The following GINS3 variants were observed in gnomAD, a reference collection of about 807,000 sequenced individuals.
The protein encoded by GINS3 is GINS complex subunit 3, also known as DNA replication complex GINS protein PSF3.
Under a neutral mutation model 20.0 loss-of-function variants are expected in GINS3, and 18 were observed. That is an observed-to-expected ratio of 0.90 (90% CI 0.62 to 1.33). The LOEUF (loss-of-function observed/expected upper bound fraction) is 1.33, where lower values mean the gene tolerates loss of function less well. Ranked by LOEUF, GINS3 falls within the 40% of genes most tolerant of loss-of-function variation. GINS3 has a pLI of 0.00. For synonymous variants in GINS3, 109 were observed against 107.0 expected, an observed-to-expected ratio of 1.02 and a Z score of -0.12; for missense variants, 254 against 273.6, an observed-to-expected ratio of 0.93 and a Z score of 0.51.
intron 1 of GINS3, among the ~76,000 whole-genome samples, chr16:58,397,344 C>T (rs563936635): frequency 2.7e-5 from 4 of 147,878 alleles, no homozygotes; most frequent in East Asian, 2.0e-4. Flanking sequence ...CGGGCAGAGA[C>T]GCTCCTCACT....
intron 1 of GINS3, among the ~76,000 whole-genome samples, chr16:58,395,745 A>C (rs567752943): frequency 1.3e-5 from 2 of 152,184 alleles, no homozygotes; most frequent in African/African-American, 4.8e-5. Flanking sequence ...CTACACAGAC[A>C]CAGCAACCAT....
rs1407875324 is a variant in GINS3 at position 58,392,772 on chromosome 16, C to T, written c.171C>T (p.Asp57=). 2 of 1,608,464 alleles carry T rather than the reference C, an allele frequency of 1.2e-6. No individual in the cohort carries two copies. Among genetic ancestry groups the T allele is most frequent in the Admixed American group, 3.4e-5 (2 of 59,152 alleles). Residue 57 remains aspartate (D), a synonymous_variant, in exon 1 of 3, where the codon GAC becomes GAT. Transcript: ENST00000318129. ...AGCGGAGCGCAGGCGCCGAGACTGA[C>T]AACGCGGTCCCACAGGTGAGCCTTT... ...FLERSAGAET[D]NAVPQGSKLE...
chr16:58,403,384 C>A, intron 2 of GINS3, 53 bp downstream of exon 2: 1 of 1,382,726 alleles, frequency 7.2e-7, no homozygotes, highest in Non-Finnish European at 1.0e-6. Flanking sequence ...AAGAGCCAGC[C>A]ACAGATACTA....
chr16:58,404,816 A>C lies in GINS3; in HGVS notation c.*87A>C. The C allele has an allele frequency of 1.1e-6, 1 of 894,326 alleles. No homozygotes were observed. The highest frequency in any genetic ancestry group is 1.8e-6 in the Non-Finnish European group (1 of 566,004). 55.4% of individuals were successfully genotyped at this position (894,326 alleles called of 1,614,324 possible). A position where few individuals can be genotyped will look rare whatever the true frequency, so the allele number is the denominator to read the frequency against. ...GCTGGTTGACCTTGTACAGAACCAGAATCCTGTCCCATTTCATGGCTTATT... is the reference window on the plus strand; with the variant it reads ...GCTGGTTGACCTTGTACAGAACCAGCATCCTGTCCCATTTCATGGCTTATT... On this transcript the variant is annotated 3_prime_UTR_variant, in exon 3 of 3. Coordinates refer to ENST00000318129, the MANE Select transcript of GINS3 (RefSeq NM_022770.4).
At position 58,405,901 on chromosome 16, in the gene GINS3, T is replaced by A. The variant is rs1388432491; in HGVS notation, c.*1172T>A. Reference sequence around the variant, plus strand: ...TATAGAGGGATTTGGGTATCCAGATTGTGCAGATGCAAACTTAGGCTGTCT... The same window carrying A: ...TATAGAGGGATTTGGGTATCCAGATAGTGCAGATGCAAACTTAGGCTGTCT... On this transcript the variant is annotated 3_prime_UTR_variant, in exon 3 of 3. Coordinates refer to ENST00000318129, the MANE Select transcript of GINS3 (RefSeq NM_022770.4). 2 of 152,226 alleles carry A rather than the reference T, an allele frequency of 1.3e-5. No homozygotes were observed. The highest frequency in any genetic ancestry group is 2.9e-5 in the Non-Finnish European group (2 of 68,042). The allele number at this position is 152,226 out of a possible 1,614,324, so 9.4% of individuals were successfully genotyped here.
intron 1 of GINS3, among the ~76,000 whole-genome samples, chr16:58,401,363 T>C (rs1965951656): frequency 6.6e-6 from 1 of 152,084 alleles, no homozygotes; most frequent in Non-Finnish European, 1.5e-5. Context: ...CAAGACTTAC[T>C]GTGAAGAGCT....
chr16:58,401,930 C>T (rs1965961095), intron 1 of GINS3, among the ~76,000 whole-genome samples: 2 of 144,540 alleles, frequency 1.4e-5, no homozygotes, highest in South Asian at 4.3e-4. Flanking sequence ...TGGTTTGATA[C>T]CTTTTTTAAT....
chr16:58,396,036 C>T (rs1380672232), intron 1 of GINS3, among the ~76,000 whole-genome samples: 61 of 146,860 alleles, frequency 4.2e-4, no homozygotes, highest in Middle Eastern at 3.5e-3. Context: ...TAGGGGCGGC[C>T]GGGCAGAGGC....
At position 58,404,695 on chromosome 16, in the gene GINS3, A is replaced by T. The variant is rs374859379; in HGVS notation, c.617A>T (p.Tyr206Phe). ...ACAGCTTCCAACCTCGTTCAGAATT[A>T]CAAGAAGAGAAAATTCACTGATATG... ...QITASNLVQN[Y>F]KKRKFTDMED The change falls in exon 3 of 3, where the codon TAC (tyrosine) becomes TTC (phenylalanine). Residue 206 changes from tyrosine to phenylalanine, a missense_variant. Physicochemically the swap from Tyr to Phe is conservative, Grantham distance 22. Coordinates refer to ENST00000318129, the MANE Select transcript of GINS3 (RefSeq NM_022770.4). 8.7e-6 allele frequency: 14 copies of T among 1,614,114 alleles called. No individual in the cohort carries two copies. The highest frequency in any genetic ancestry group is 1.1e-5 in the Non-Finnish European group (13 of 1,179,982).
chr16:58,396,400 C>A (rs1367711606), intron 1 of GINS3, among the ~76,000 whole-genome samples: 4 of 124,052 alleles, frequency 3.2e-5, no homozygotes, highest in East Asian at 2.6e-4. Context: ...GCTGACCCCC[C>A]CACCTCCCTC....
chr16:58,396,812 G>A (rs1339229598), intron 1 of GINS3, among the ~76,000 whole-genome samples: 1 of 125,230 alleles, frequency 8.0e-6, no homozygotes, highest in Non-Finnish European at 1.7e-5. Context: ...GGGCAGAGGG[G>A]CTCCTCACTT....
At chr16:58,401,034 C>T (rs1313105879) in intron 1 of GINS3, among the ~76,000 whole-genome samples, 2 of 151,936 alleles carry the variant, frequency 1.3e-5, no homozygotes, top group African/African-American at 4.8e-5. Context: ...AGGCCCGTCT[C>T]GAACCCCTGA....
intron 1 of GINS3, among the ~76,000 whole-genome samples, chr16:58,401,567 G>A (rs950245985): frequency 2.6e-5 from 4 of 152,210 alleles, no homozygotes; most frequent in African/African-American, 9.6e-5. Context: ...TGTTTTTACA[G>A]AGTGCTGATT....
chr16:58,403,425 ATTTAGTC>A (rs1176119329), intron 2 of GINS3, 94 bp downstream of exon 2: 5 of 968,680 alleles, frequency 5.2e-6, no homozygotes, highest in Non-Finnish European at 7.7e-6. Flanking sequence ...TGACTTGTAA[ATTTAGTC>A]TGTTTTTATT....
At chr16:58,397,782 CAGAGGGAGACCGTGGAAAGAGAGGG>C (rs1209912078) in intron 1 of GINS3, among the ~76,000 whole-genome samples, 151 of 152,088 alleles carry the variant, frequency 9.9e-4, no homozygotes, top group African/African-American at 3.4e-3. Context: ...GGCTCGGCAT[CAGAGGGAGACCGTGGAAAGAGAGGG>C]AGAGGGAGAC....
At chr16:58,394,659 GT>G (rs1965824894) in intron 1 of GINS3, among the ~76,000 whole-genome samples, 1 of 152,106 alleles carries the variant, frequency 6.6e-6, no homozygotes, top group Non-Finnish European at 1.5e-5. Context: ...CTTTGTTTTT[GT>G]TTTTTATTCT....
chr16:58,397,142 G>C (rs541135807), intron 1 of GINS3, among the ~76,000 whole-genome samples: 13 of 150,970 alleles, frequency 8.6e-5, no homozygotes, highest in Non-Finnish European at 1.6e-4. Flanking sequence ...TGTAGCTGCC[G>C]GGCGGAGGGG....
In GINS3 at chr16:58,396,241, G is replaced by A. The variant is rs537200179; in HGVS notation, c.186+3454G>A. Reference sequence around the variant, plus strand: ...CAGAGGCGCCCCTCACCTCCCAGACGGGGCGGCTGGCCGGGTGGGGGGCTG... The same window carrying A: ...CAGAGGCGCCCCTCACCTCCCAGACAGGGCGGCTGGCCGGGTGGGGGGCTG... On this transcript the variant is annotated intron_variant, in intron 1 of 2. Coordinates refer to ENST00000318129, the MANE Select transcript of GINS3 (RefSeq NM_022770.4). 2.4e-3 allele frequency among the ~76,000 whole-genome samples: 305 copies of A among 129,082 alleles called. 9 individuals carry two copies. The highest frequency in any genetic ancestry group is 9.1e-3 in the African/African-American group (290 of 31,790). The allele number at this position is 129,082 out of a possible 152,430, so 84.7% of individuals were successfully genotyped here. A position where few individuals can be genotyped will look rare whatever the true frequency, so the allele number is the denominator to read the frequency against.
Sources: allele counts gnomAD v4.1 joint callset (sites outside exome capture counted in the v4.1 genomes callset), GRCh38; gene constraint gnomAD v4.1.1; transcripts MANE v1.5; gene names NCBI Gene and HGNC (gene_info 2026-07-23, HGNC 2026-07-21).